PPM1L: variants seen among roughly 807,000 people sequenced by gnomAD.
The protein encoded by PPM1L is protein phosphatase, Mg2+/Mn2+ dependent 1L.
A neutral mutation model predicts 31.4 loss-of-function variants in PPM1L; 13 were observed. The ratio of observed to expected loss-of-function variants is 0.41; its 90% confidence interval spans 0.27 to 0.66. The LOEUF is 0.66. Among genes scored for constraint, PPM1L ranks in the 30% least tolerant of loss-of-function variants. PPM1L has a pLI of 0.29. For missense variants in PPM1L, 326 were observed against 453.7 expected, an observed-to-expected ratio of 0.72 and a Z score of 2.56; for synonymous variants, 184 against 175.4, an observed-to-expected ratio of 1.05 and a Z score of -0.39.
intron 1 of PPM1L, among the ~76,000 whole-genome samples, chr3:160,771,921 G>T (rs1362110446): frequency 2.0e-5 from 3 of 150,820 alleles, no homozygotes; most frequent in Admixed American, 1.3e-4. Context: ...ATTCTCTAAT[G>T]ATTTCAGAAG....
intron 2 of PPM1L, among the ~76,000 whole-genome samples, chr3:160,976,974 A>T (rs902805474): frequency 6.6e-6 from 1 of 151,946 alleles, no homozygotes; most frequent in African/African-American, 2.4e-5. Context: ...TTAGGGTGTC[A>T]ATTTTGGATC....
At chr3:160,977,046 T>A (rs1716613185) in intron 2 of PPM1L, among the ~76,000 whole-genome samples, 1 of 152,228 alleles carries the variant, frequency 6.6e-6, no homozygotes, top group South Asian at 2.1e-4. Context: ...CTGCTTTGAA[T>A]GCGTCCCAGA....
chr3:160,884,522 T>G (rs1273045001), intron 1 of PPM1L, among the ~76,000 whole-genome samples: 1 of 152,196 alleles, frequency 6.6e-6, no homozygotes, highest in African/African-American at 2.4e-5. Context: ...GTGGCACTGA[T>G]AGTTTTAGCA....
At chr3:160,772,685 G>A (rs977912922) in intron 1 of PPM1L, among the ~76,000 whole-genome samples, 1 of 152,136 alleles carries the variant, frequency 6.6e-6, no homozygotes, top group Non-Finnish European at 1.5e-5. Context: ...AAAGTTTCTT[G>A]ATGCTTCTTG....
chr3:160,762,148 C>A (rs1714985626), intron 1 of PPM1L, among the ~76,000 whole-genome samples: 1 of 152,164 alleles, frequency 6.6e-6, no homozygotes, highest in African/African-American at 2.4e-5. Flanking sequence ...AGTGAATGAT[C>A]TGCTTTTCAG....
chr3:160,855,435 A>G (rs929774399), intron 1 of PPM1L, among the ~76,000 whole-genome samples: 2 of 152,200 alleles, frequency 1.3e-5, no homozygotes, highest in Non-Finnish European at 1.5e-5. Context: ...GAGTAAACCA[A>G]CAGCCCACAG....
At chr3:160,951,163 C>T (rs1198731970) in intron 1 of PPM1L, among the ~76,000 whole-genome samples, 1 of 152,204 alleles carries the variant, frequency 6.6e-6, no homozygotes, top group Non-Finnish European at 1.5e-5. Flanking sequence ...GTTTTCTCAA[C>T]AGATTGATGA....
intron 2 of PPM1L, among the ~76,000 whole-genome samples, chr3:161,005,502 G>A (rs539233110): frequency 1.3e-5 from 2 of 152,290 alleles, no homozygotes; most frequent in South Asian, 2.1e-4. Flanking sequence ...TGTTCAAGAA[G>A]TGGTATTTGA....
At chr3:160,890,578 A>T (rs1713103617) in intron 1 of PPM1L, among the ~76,000 whole-genome samples, 1 of 152,244 alleles carries the variant, frequency 6.6e-6, no homozygotes, top group Non-Finnish European at 1.5e-5. Context: ...ATTCAATGCT[A>T]TTCCTATCAA....
intron 1 of PPM1L, among the ~76,000 whole-genome samples, chr3:160,781,603 C>T (rs1258580809): frequency 6.6e-6 from 1 of 152,156 alleles, no homozygotes; most frequent in Non-Finnish European, 1.5e-5. Context: ...GAAGGCTGCA[C>T]AATGCTGGGT....
At chr3:160,782,900 TTG>T (rs1451439312) in intron 1 of PPM1L, among the ~76,000 whole-genome samples, 1 of 152,234 alleles carries the variant, frequency 6.6e-6, no homozygotes, top group Non-Finnish European at 1.5e-5. Context: ...GTTTATTGAA[TTG>T]TGTTATTCTT....
chr3:160,785,823 C>T (rs1261685980), intron 1 of PPM1L, among the ~76,000 whole-genome samples: 7 of 147,098 alleles, frequency 4.8e-5, no homozygotes, highest in Admixed American at 2.0e-4. Flanking sequence ...TACAAGACAG[C>T]GGTGCACTGT....
chr3:160,801,943 G>A (rs1163413311), intron 1 of PPM1L, among the ~76,000 whole-genome samples: 2 of 152,096 alleles, frequency 1.3e-5, no homozygotes, highest in South Asian at 2.1e-4. Context: ...CTAATCTGCC[G>A]CAGAGCTATT....
At chr3:160,965,660 C>G (rs1716117777) in intron 2 of PPM1L, among the ~76,000 whole-genome samples, 1 of 152,092 alleles carries the variant, frequency 6.6e-6, no homozygotes, top group Non-Finnish European at 1.5e-5. Context: ...TAATCTCATT[C>G]TAAGTCGAGG....
At chr3:160,985,281 T>A (rs2593812) in intron 2 of PPM1L, among the ~76,000 whole-genome samples, 1 of 152,136 alleles carries the variant, frequency 6.6e-6, no homozygotes, top group Non-Finnish European at 1.5e-5. Flanking sequence ...GTACCCAATG[T>A]GTATTCTCCC....
chr3:161,005,814 A>C (rs560429119), intron 2 of PPM1L, among the ~76,000 whole-genome samples: 1 of 152,350 alleles, frequency 6.6e-6, no homozygotes, highest in Non-Finnish European at 1.5e-5. Flanking sequence ...AAAATGAGTC[A>C]GAAATTAAAT....
chr3:160,976,820 A>G (rs1716603285), intron 2 of PPM1L, among the ~76,000 whole-genome samples: 1 of 151,928 alleles, frequency 6.6e-6, no homozygotes, highest in Admixed American at 6.6e-5. Context: ...CTTTCAAAAA[A>G]CCAGCTCCTG....
chr3:160,966,379 T>G (rs1286373962), intron 2 of PPM1L, among the ~76,000 whole-genome samples: 1 of 152,172 alleles, frequency 6.6e-6, no homozygotes, highest in Admixed American at 6.6e-5. Flanking sequence ...TATATTTTCC[T>G]CACTCTAAGC....
chr3:161,008,611 A>G (rs1717790284), intron 2 of PPM1L, among the ~76,000 whole-genome samples: 1 of 152,200 alleles, frequency 6.6e-6, no homozygotes, highest in Non-Finnish European at 1.5e-5. Flanking sequence ...GGAGGTGTGA[A>G]AAGTGGTCAG....
Sources: allele counts gnomAD v4.1 joint callset (sites outside exome capture counted in the v4.1 genomes callset), GRCh38; gene constraint gnomAD v4.1.1; transcripts MANE v1.5; gene names NCBI Gene and HGNC (gene_info 2026-07-23, HGNC 2026-07-21).